Variants in CDK13 observed in about 807,000 individuals in gnomAD.
CDK13 encodes the protein cyclin-dependent kinase 13.
In CDK13, 40 loss-of-function variants were observed where a neutral mutation model predicts 137.6. The ratio of observed to expected loss-of-function variants is 0.29; its 90% CI spans 0.23 to 0.38. CDK13 has a LOEUF of 0.38. Ranked by LOEUF, CDK13 falls within the 10% of genes least tolerant of loss-of-function variation. The probability of loss-of-function intolerance (pLI) is 1.00; values close to 1 mark genes in which losing one functional copy is unlikely to be tolerated. For synonymous variants in CDK13, 869 were observed against 760.1 expected, an observed-to-expected ratio of 1.14 and a Z score of -2.36; for missense variants, 1,704 against 1,951.8, an observed-to-expected ratio of 0.87 and a Z score of 2.39.
intron 5 of CDK13, among the ~76,000 whole-genome samples, chr7:40,013,800 A>G (rs931415896): frequency 6.6e-6 from 1 of 152,172 alleles, no homozygotes; most frequent in Admixed American, 6.5e-5. Context: ...AAGGAAAAAA[A>G]CGATAACTAG....
chr7:40,088,850 CGGAT>C (rs975068088), intron 12 of CDK13, among the ~76,000 whole-genome samples: 25 of 151,658 alleles, frequency 1.6e-4, no homozygotes, highest in African/African-American at 5.8e-4. Context: ...GAGACTGAGG[CGGAT>C]GGATCACCTG....
intron 13 of CDK13, 97 bp from the exon 14 acceptor site, chr7:40,094,033 A>T: frequency 2.2e-6 from 3 of 1,385,038 alleles, no homozygotes; most frequent in Non-Finnish European, 2.9e-6. Context: ...TGGAACTTCT[A>T]ATCATCTTTA....
At chr7:39,997,123 A>G (rs981314074) in intron 2 of CDK13, among the ~76,000 whole-genome samples, 4 of 152,148 alleles carry the variant, frequency 2.6e-5, no homozygotes, top group African/African-American at 9.7e-5. Flanking sequence ...TTACATTTAT[A>G]GAAAAATTAT....
intron 2 of CDK13, among the ~76,000 whole-genome samples, chr7:39,995,221 G>A (rs1784536105): frequency 6.6e-6 from 1 of 152,080 alleles, no homozygotes; most frequent in African/African-American, 2.4e-5. Context: ...TTCTTGGAAA[G>A]TAATATTCGA....
At chr7:39,972,469 C>G (rs562292859) in intron 1 of CDK13, among the ~76,000 whole-genome samples, 43 of 152,326 alleles carry the variant, frequency 2.8e-4, no homozygotes, top group Non-Finnish European at 5.4e-4. Flanking sequence ...AGCAGTCACT[C>G]CCCATTCCCA....
At chr7:40,064,155 A>G (rs2150527601) in intron 9 of CDK13, among the ~76,000 whole-genome samples, 1 of 151,894 alleles carries the variant, frequency 6.6e-6, no homozygotes, top group South Asian at 2.1e-4. Context: ...GTGGTGGCCC[A>G]CGCCTATAAT....
chr7:40,044,237 T>G (rs1460040322), intron 5 of CDK13, among the ~76,000 whole-genome samples: 1 of 151,860 alleles, frequency 6.6e-6, no homozygotes, highest in Non-Finnish European at 1.5e-5. Context: ...TCCTGGTCAT[T>G]AGTAGTAATT....
chr7:40,009,937 G>A (rs1784861904), intron 5 of CDK13, among the ~76,000 whole-genome samples: 1 of 152,146 alleles, frequency 6.6e-6, no homozygotes, highest in Non-Finnish European at 1.5e-5. Context: ...TTTAGTTTGT[G>A]TGTGTGTATA....
chr7:40,092,643 C>A, intron 12 of CDK13, 142 bp from the exon 13 acceptor site: 1 of 626,378 alleles, frequency 1.6e-6, no homozygotes, highest in Non-Finnish European at 2.8e-6. Flanking sequence ...TTTAACTAGA[C>A]TTGAGGTTCT....
chr7:39,984,091 C>T (rs550710198), intron 1 of CDK13: 1 of 152,296 alleles, frequency 6.6e-6, no homozygotes, highest in South Asian at 2.1e-4. Flanking sequence ...TTTCTAAACA[C>T]TTCCCTCCAC....
rs187923839 is a variant in CDK13, at chr7:40,040,020, T to G, written c.2354-5816T>G. On this transcript the variant is annotated intron_variant, in intron 5 of 13. Transcript: ENST00000181839. ...AACTGATTCATTTGCTTTTTTTTTTTTTTTGAGATTGAGTTTTGCTCATGT... is the reference window on the plus strand; with the variant it reads ...AACTGATTCATTTGCTTTTTTTTTTGTTTTGAGATTGAGTTTTGCTCATGT... 6.8e-3 allele frequency among the ~76,000 whole-genome samples: 1,030 copies of G among 152,064 alleles called. 12 individuals are homozygous for G. The highest frequency in any genetic ancestry group is 0.023 in the African/African-American group (960 of 41,498).
intron 5 of CDK13, among the ~76,000 whole-genome samples, chr7:40,017,611 A>C (rs1422146810): frequency 6.6e-6 from 1 of 152,064 alleles, no homozygotes; most frequent in African/African-American, 2.4e-5. Context: ...GAGAGATACT[A>C]AAATACAGAT....
intron 5 of CDK13, among the ~76,000 whole-genome samples, chr7:40,003,082 A>G (rs1199368090): frequency 6.6e-6 from 1 of 151,244 alleles, no homozygotes; most frequent in Non-Finnish European, 1.5e-5. Context: ...TATCTCTAAA[A>G]ACGAAAAGAA....
intron 5 of CDK13, among the ~76,000 whole-genome samples, chr7:40,011,908 T>G (rs1263087876): frequency 6.6e-6 from 1 of 152,208 alleles, no homozygotes; most frequent in Admixed American, 6.5e-5. Context: ...GTATCTTAAA[T>G]GTATAAATAA....
At chr7:39,979,639 A>C (rs570661475) in intron 1 of CDK13, among the ~76,000 whole-genome samples, 22 of 152,220 alleles carry the variant, frequency 1.4e-4, no homozygotes, top group African/African-American at 5.3e-4. Flanking sequence ...TACTCACCCA[A>C]CACCACACCC....
chr7:40,000,990 ATAT>A (rs1784673237), intron 4 of CDK13, among the ~76,000 whole-genome samples: 1 of 152,130 alleles, frequency 6.6e-6, no homozygotes, highest in Admixed American at 6.6e-5. Context: ...GGAAGAACAT[ATAT>A]TTTTGAGACA....
intron 5 of CDK13, among the ~76,000 whole-genome samples, chr7:40,028,251 A>G (rs12334141): frequency 0.55 from 77,420 of 141,072 alleles, 22,709 homozygotes; most frequent in African/African-American, 0.79. Flanking sequence ...ATGGAGTCTC[A>G]CTCTGTCGCC....
chr7:40,002,655 G>A (rs1784707351), intron 5 of CDK13, among the ~76,000 whole-genome samples: 1 of 151,964 alleles, frequency 6.6e-6, no homozygotes, highest in African/African-American at 2.4e-5. Context: ...TTATATTTTA[G>A]ATGTAAATAT....
chr7:40,075,072 TGAG>T (rs1786515870), intron 9 of CDK13, among the ~76,000 whole-genome samples: 1 of 152,094 alleles, frequency 6.6e-6, no homozygotes, highest in African/African-American at 2.4e-5. Flanking sequence ...AATAAAATTT[TGAG>T]GAGAATAAGT....
Sources: allele counts gnomAD v4.1 joint callset (sites outside exome capture counted in the v4.1 genomes callset), GRCh38; gene constraint gnomAD v4.1.1; transcripts MANE v1.5; gene names NCBI Gene and HGNC (gene_info 2026-07-23, HGNC 2026-07-21).